The following APOD variants were observed in gnomAD, a reference collection of about 807,000 sequenced individuals.
The protein encoded by APOD is apolipoprotein D.
A neutral mutation model predicts 20.4 loss-of-function variants in APOD; 22 were observed. The observed-to-expected ratio is 1.08, with a 90% CI of 0.77 to 1.54. The LOEUF is 1.54. Among genes scored for constraint, APOD ranks in the 40% most tolerant of loss-of-function variants. APOD has a pLI of 0.00. For missense variants in APOD, 223 were observed against 229.6 expected (o/e 0.97, Z 0.19); for synonymous variants, 97 against 92.4 (o/e 1.05, Z -0.29).
chr3:195,582,462 C>T (rs778271682), intron 1 of APOD, among the ~76,000 whole-genome samples: 13 of 151,958 alleles, frequency 8.6e-5, no homozygotes, highest in South Asian at 2.1e-4. Context: ...TATTTTTGGC[C>T]GGGCATGATG....
chr3:195,577,186 CAA>C (rs71637174), intron 2 of APOD: 656 of 284,168 alleles, frequency 2.3e-3, no homozygotes, highest in Middle Eastern at 5.2e-3. Context: ...GACTCCGTCT[CAA>C]AAAAAAAAAG....
intron 3 of APOD, among the ~76,000 whole-genome samples, chr3:195,571,890 C>T (rs114758972): frequency 0.017 from 2,525 of 152,174 alleles, 31 homozygotes; most frequent in Non-Finnish European, 0.026. Context: ...AGCAATTCTC[C>T]TCCCTCAGCC....
At chr3:195,581,708 A>G (rs1720341515) in intron 1 of APOD, among the ~76,000 whole-genome samples, 1 of 152,196 alleles carries the variant, frequency 6.6e-6, no homozygotes, top group African/African-American at 2.4e-5. Context: ...GATGAGTCTC[A>G]CCACCACATG....
intron 3 of APOD, 37 bp from the exon 4 acceptor site, chr3:195,571,402 G>T: frequency 6.5e-7 from 1 of 1,528,302 alleles, no homozygotes; most frequent in Non-Finnish European, 8.9e-7. Flanking sequence ...TACAAAAAAC[G>T]AAAAGAGAAA....
intron 2 of APOD, among the ~76,000 whole-genome samples, chr3:195,577,513 G>A (rs143755423): frequency 3.3e-5 from 5 of 152,260 alleles, no homozygotes; most frequent in East Asian, 1.9e-4. Flanking sequence ...TAAGGGACAC[G>A]GAATAACCAG....
At chr3:195,579,618 C>G in intron 1 of APOD, 123 bp from the exon 2 acceptor site, 1 of 1,020,734 alleles carries the variant, frequency 9.8e-7, no homozygotes, top group Non-Finnish European at 1.4e-6. Flanking sequence ...TCTCCCCAGC[C>G]CATGTGAACC....
At chr3:195,569,279 G>T in intron 4 of APOD, 144 bp from the exon 5 acceptor site, 1 of 705,060 alleles carries the variant, frequency 1.4e-6, no homozygotes, top group East Asian at 2.7e-5. Flanking sequence ...AAAGACCCTG[G>T]AAAGAAGTTT....
intron 1 of APOD, among the ~76,000 whole-genome samples, chr3:195,580,653 C>T (rs1247968537): frequency 6.6e-6 from 1 of 152,180 alleles, no homozygotes; most frequent in Non-Finnish European, 1.5e-5. Flanking sequence ...GATCCACCCG[C>T]CTTGGCCTCC....
intron 3 of APOD, among the ~76,000 whole-genome samples, chr3:195,572,745 C>T (rs183015299): frequency 9.9e-5 from 15 of 152,166 alleles, no homozygotes; most frequent in Non-Finnish European, 2.1e-4. Context: ...GGCGTGGTGG[C>T]TCACGCCTGT....
At chr3:195,573,817 C>T (rs1720205592) in intron 3 of APOD, 33 bp downstream of exon 3, 1 of 1,610,198 alleles carries the variant, frequency 6.2e-7, no homozygotes, top group East Asian at 2.2e-5. Flanking sequence ...CAGCACTCCG[C>T]AGGCCTGGCC....
At chr3:195,571,425 C>T (rs1720157770) in intron 3 of APOD, 60 bp from the exon 4 acceptor site, 1 of 1,488,380 alleles carries the variant, frequency 6.7e-7, no homozygotes, top group Non-Finnish European at 9.2e-7. Flanking sequence ...AAAAACAACT[C>T]ATTGAAAGCC....
chr3:195,572,054 T>C (rs1720170013), intron 3 of APOD, among the ~76,000 whole-genome samples: 3 of 152,232 alleles, frequency 2.0e-5, no homozygotes, highest in Non-Finnish European at 2.9e-5. Flanking sequence ...GTGCTGGGAT[T>C]ACAGGCGTGA....
chr3:195,581,833 T>C lies in APOD; in HGVS notation c.-35+2045A>G, dbSNP rs117232279. ...TCAGAACAACCCCTTTGACTGACCC[T>C]CTTCCAAAGATGCCTCTTGGTTACA... On this transcript the variant is annotated intron_variant, in intron 1 of 4. Coordinates refer to ENST00000343267, the MANE Select transcript of APOD (RefSeq NM_001647.4). 2.6e-5 allele frequency among the ~76,000 whole-genome samples: 4 copies of C among 152,360 alleles called. No individual in the cohort carries two copies. The East Asian group carries it at 7.7e-4, about 29-fold the overall frequency.
chr3:195,581,226 T>A (rs1033149033), intron 1 of APOD, among the ~76,000 whole-genome samples: 1 of 152,092 alleles, frequency 6.6e-6, no homozygotes, highest in Non-Finnish European at 1.5e-5. Context: ...CAGGGGGAGA[T>A]GGTTGCTGAG....
At chr3:195,578,480 G>A (rs1223219302) in intron 2 of APOD, among the ~76,000 whole-genome samples, 2 of 152,190 alleles carry the variant, frequency 1.3e-5, no homozygotes, top group Admixed American at 1.3e-4. Context: ...CTAAGGAGAG[G>A]AAGTCTTAAG....
intron 2 of APOD, among the ~76,000 whole-genome samples, chr3:195,578,644 G>A (rs1164593009): frequency 2.6e-5 from 4 of 152,066 alleles, no homozygotes; most frequent in Non-Finnish European, 1.5e-5. Flanking sequence ...TGACATTTTG[G>A]TGCAGATACC....
chr3:195,577,391 A>C (rs1056870784), intron 2 of APOD, among the ~76,000 whole-genome samples: 1 of 152,252 alleles, frequency 6.6e-6, no homozygotes, highest in Non-Finnish European at 1.5e-5. Flanking sequence ...TAATATTGTT[A>C]AGATGGCAGT....
At chr3:195,580,802 T>C (rs1444679539) in intron 1 of APOD, among the ~76,000 whole-genome samples, 2 of 152,206 alleles carry the variant, frequency 1.3e-5, no homozygotes, top group Non-Finnish European at 2.9e-5. Flanking sequence ...CCAAGAGTCC[T>C]TTGGCAGCAG....
intron 3 of APOD, 93 bp downstream of exon 3, chr3:195,573,757 G>A: frequency 6.7e-7 from 1 of 1,495,658 alleles, no homozygotes; most frequent in Non-Finnish European, 9.0e-7. Context: ...GATCCAGCAA[G>A]GTTCCCATCC....
Sources: allele counts gnomAD v4.1 joint callset (sites outside exome capture counted in the v4.1 genomes callset), GRCh38; gene constraint gnomAD v4.1.1; transcripts MANE v1.5; gene names NCBI Gene and HGNC (gene_info 2026-07-23, HGNC 2026-07-21).